The following PKHD1 variants were observed in gnomAD, a reference collection of about 807,000 sequenced individuals.
PKHD1 encodes the protein PKHD1 ciliary IPT domain containing fibrocystin/polyductin.
A neutral mutation model predicts 412.0 loss-of-function variants in PKHD1; 291 were observed. The observed-to-expected ratio is 0.71, with a 90% CI of 0.64 to 0.78. The LOEUF is 0.78. Among genes scored for constraint, PKHD1 ranks in the 30% least tolerant of loss-of-function variants. The pLI is 0.00. For synonymous variants in PKHD1, 1,777 were observed against 1,821.5 expected (o/e 0.98, Z 0.62); for missense variants, 4,825 against 4,950.7 (o/e 0.97, Z 0.76).
At chr6:51,735,025 G>T (rs1250851829) in intron 60 of PKHD1, among the ~76,000 whole-genome samples, 1 of 152,088 alleles carries the variant, frequency 6.6e-6, no homozygotes, top group Non-Finnish European at 1.5e-5. Context: ...AACTAAATGA[G>T]TTTTTTTGTG....
chr6:51,704,225 A>G (rs962491956), intron 60 of PKHD1, among the ~76,000 whole-genome samples: 6 of 152,060 alleles, frequency 3.9e-5, no homozygotes, highest in African/African-American at 1.4e-4. Context: ...AGAATAACAT[A>G]TTGCCCAGAG....
At chr6:51,773,713 T>C (rs1318621935) in intron 54 of PKHD1, among the ~76,000 whole-genome samples, 3 of 151,144 alleles carry the variant, frequency 2.0e-5, no homozygotes, top group East Asian at 1.9e-4. Context: ...ACAATTTTCA[T>C]CAGAAAACAT....
chr6:51,968,266 T>C (rs1433251986), intron 35 of PKHD1, among the ~76,000 whole-genome samples: 1 of 152,182 alleles, frequency 6.6e-6, no homozygotes, highest in Non-Finnish European at 1.5e-5. Flanking sequence ...CAAACAAAAG[T>C]TGATTACATT....
At chr6:51,971,404 C>A (rs970357373) in intron 35 of PKHD1, among the ~76,000 whole-genome samples, 2 of 152,144 alleles carry the variant, frequency 1.3e-5, no homozygotes, top group African/African-American at 4.8e-5. Flanking sequence ...CAGTGCCAGG[C>A]AGAAGGACAG....
intron 43 of PKHD1, among the ~76,000 whole-genome samples, chr6:51,895,284 C>T (rs545500551): frequency 2.7e-4 from 41 of 152,148 alleles, no homozygotes; most frequent in African/African-American, 7.7e-4. Flanking sequence ...GTTTTTTTCA[C>T]GTATACCCAG....
chr6:51,638,530 A>G (rs902690033), intron 64 of PKHD1, among the ~76,000 whole-genome samples: 3 of 152,138 alleles, frequency 2.0e-5, no homozygotes, highest in African/African-American at 7.2e-5. Flanking sequence ...CTTATAAATT[A>G]ACATTCTCCT....
rs542364404 is a variant in PKHD1, at chr6:51,693,027, G to T, written c.10157-33058C>A. Among the ~76,000 whole-genome samples the T allele has an allele frequency of 1.2e-4, 19 of 152,190 alleles. No individual in the cohort carries two copies. The South Asian group carries it at 3.7e-3, about 30-fold the overall frequency. ...TTTCTCCTCAACTGTGGTATGTATT[G>T]TTGTTTTTTGCTGTTTTGGTGGCTT... On this transcript the variant is annotated intron_variant, in intron 60 of 66. Coordinates refer to ENST00000371117, the MANE Select transcript of PKHD1 (RefSeq NM_138694.4).
chr6:52,005,239 C>T (rs913247148), intron 35 of PKHD1, among the ~76,000 whole-genome samples: 2 of 152,194 alleles, frequency 1.3e-5, no homozygotes, highest in African/African-American at 2.4e-5. Context: ...TACCTCTCGT[C>T]GGTTTACCAA....
chr6:51,928,747 CA>C (rs1216095483), intron 37 of PKHD1, among the ~76,000 whole-genome samples: 1 of 152,014 alleles, frequency 6.6e-6, no homozygotes, highest in Admixed American at 6.6e-5. Flanking sequence ...GAGAAGGCAG[CA>C]ATAAGGAGTA....
intron 53 of PKHD1, 123 bp from the exon 54 acceptor site, chr6:51,776,044 C>A: frequency 6.4e-6 from 4 of 623,370 alleles, no homozygotes; most frequent in Non-Finnish European, 8.7e-6. Flanking sequence ...ATGGAGGAGT[C>A]AATGGTCATG....
intron 60 of PKHD1, among the ~76,000 whole-genome samples, chr6:51,660,540 C>A (rs1772661711): frequency 6.6e-6 from 1 of 152,180 alleles, no homozygotes; most frequent in South Asian, 2.1e-4. Context: ...AGGCTGTGAC[C>A]TCTGCTTCTG....
intron 21 of PKHD1, among the ~76,000 whole-genome samples, chr6:52,052,497 AGAT>A (rs1807019268): frequency 6.6e-6 from 1 of 152,192 alleles, no homozygotes; most frequent in Non-Finnish European, 1.5e-5. Context: ...TCTCTGAAGA[AGAT>A]GATTACCTTC....
In PKHD1 at chr6:51,704,887, A is replaced by C. The variant is rs141258409; in HGVS notation, c.10156+39498T>G. Reference sequence around the variant, plus strand: ...CAGGAGGAGAAAAATTAAGAGGAAAAGGAGAAGGCAGTTAAAGACAAACTT... The same window carrying C: ...CAGGAGGAGAAAAATTAAGAGGAAACGGAGAAGGCAGTTAAAGACAAACTT... On this transcript the variant is annotated intron_variant, in intron 60 of 66. Transcript: ENST00000371117. Among the ~76,000 whole-genome samples, 370 of 152,128 alleles carry C rather than the reference A, an allele frequency of 2.4e-3. 1 individual carries two copies. Among genetic ancestry groups the C allele is most frequent in the African/African-American group, 8.1e-3 (335 of 41,522 alleles).
intron 64 of PKHD1, among the ~76,000 whole-genome samples, chr6:51,635,286 A>G (rs565177): frequency 0.043 from 6,511 of 152,232 alleles, 237 homozygotes; most frequent in African/African-American, 0.093. Flanking sequence ...TAGTCAGTCC[A>G]TTTTTGTATA....
At position 51,801,945 on chromosome 6, in the gene PKHD1, A is replaced by T. The variant is rs554641149; in HGVS notation, c.8303-10572T>A. On this transcript the variant is annotated intron_variant, in intron 52 of 66. Coordinates refer to ENST00000371117, the MANE Select transcript of PKHD1 (RefSeq NM_138694.4). Reference sequence around the variant, plus strand: ...CCATCTGTTCTTCAGAAATATTTTGAATCTATTTAATAGGAAGGTTTTTAA... The same window carrying T: ...CCATCTGTTCTTCAGAAATATTTTGTATCTATTTAATAGGAAGGTTTTTAA... 3.0e-4 allele frequency among the ~76,000 whole-genome samples: 45 copies of T among 152,230 alleles called. 1 individual carries two copies. In the South Asian group the frequency reaches 5.6e-3, roughly 19 times the overall value.
chr6:51,724,329 A>G (rs1782296858), intron 60 of PKHD1, among the ~76,000 whole-genome samples: 1 of 152,098 alleles, frequency 6.6e-6, no homozygotes, highest in Non-Finnish European at 1.5e-5. Context: ...CCCCCTAGAA[A>G]TCATTTACTA....
chr6:52,014,572 CATGGATGGATGGATGA>C (rs1378375130), intron 34 of PKHD1, among the ~76,000 whole-genome samples: 2 of 142,266 alleles, frequency 1.4e-5, no homozygotes, highest in East Asian at 4.2e-4. Context: ...ACAGATGGAT[CATGGATGGATGGATGA>C]ATGGATGGGT....
chr6:51,896,487 G>A (rs1345622273), intron 43 of PKHD1, among the ~76,000 whole-genome samples: 2 of 151,950 alleles, frequency 1.3e-5, no homozygotes, highest in Non-Finnish European at 2.9e-5. Flanking sequence ...CAAACAGAAA[G>A]GACATCCACA....
chr6:51,741,353 A>G (rs765801930), intron 60 of PKHD1, among the ~76,000 whole-genome samples: 15 of 152,148 alleles, frequency 9.9e-5, no homozygotes, highest in Admixed American at 5.9e-4. Context: ...CCTTCTGAAA[A>G]AGCTTTTTTT....
Sources: allele counts gnomAD v4.1 joint callset (sites outside exome capture counted in the v4.1 genomes callset), GRCh38; gene constraint gnomAD v4.1.1; transcripts MANE v1.5; gene names NCBI Gene and HGNC (gene_info 2026-07-23, HGNC 2026-07-21).